Variants in TBC1D9B observed in about 807,000 individuals in gnomAD.
TBC1D9B encodes the protein TBC1 domain family member 9B, also known as TBC1 domain family, member 9B (with GRAM domain).
A neutral mutation model predicts 121.1 loss-of-function variants in TBC1D9B; 87 were observed. The ratio of observed to expected loss-of-function variants is 0.72; its 90% CI spans 0.60 to 0.86. TBC1D9B has a LOEUF of 0.86. Ranked by LOEUF, TBC1D9B falls within the 40% of genes least tolerant of loss-of-function variation. The pLI is 0.00. For synonymous variants in TBC1D9B, 668 were observed against 670.1 expected (o/e 1.00, Z 0.05); for missense variants, 1,540 against 1,628.6 (o/e 0.95, Z 0.94).
Position 179,863,402 on chromosome 5 carries a change from C to A in TBC1D9B, c.*46G>T, listed in dbSNP as rs1026446480. The A allele has an allele frequency of 1.3e-6, 2 of 1,583,518 alleles. No homozygotes were observed. On this transcript the variant is annotated 3_prime_UTR_variant, in exon 21 of 21. Transcript: ENST00000355235. The surrounding 1 kb of genome is among the most constrained non-coding windows in gnomAD (Gnocchi z 4.5). ...GAGGAAAGGCAGGAGGAGATGAGGC[C>A]AGCCCCACTGATGACACCTTGGGCC...
chr5:179,898,593 C>T (rs895985612), intron 3 of TBC1D9B, among the ~76,000 whole-genome samples: 2 of 152,048 alleles, frequency 1.3e-5, no homozygotes, highest in Admixed American at 6.5e-5. Flanking sequence ...GGATTACAGG[C>T]GCGTGCCACC....
Position 179,907,847 on chromosome 5 carries a change from G to A in TBC1D9B, c.-26C>T, listed in dbSNP as rs1268820653. On this transcript the variant is annotated 5_prime_UTR_variant, in exon 1 of 21. Coordinates refer to ENST00000355235, the MANE Select transcript of TBC1D9B (RefSeq NM_015043.4). The surrounding 1 kb of genome is among the most constrained non-coding windows in gnomAD (Gnocchi z 5.3). ...CGCGGAGCCGCTCGCACCGGGCCGA[G>A]GCCCGCGAGACGGAAGCGCCCGCCG... 10 of 1,071,458 alleles carry A rather than the reference G, an allele frequency of 9.3e-6. No homozygotes were observed. The highest frequency in any genetic ancestry group is 4.8e-5 in the Admixed American group (1 of 20,900). 66.4% of individuals were successfully genotyped at this position (1,071,458 alleles called of 1,614,324 possible). A position where few individuals can be genotyped will look rare whatever the true frequency, so the allele number is the denominator to read the frequency against.
chr5:179,899,122 A>C, intron 3 of TBC1D9B, 67 bp downstream of exon 3: 1 of 1,310,078 alleles, frequency 7.6e-7, no homozygotes, highest in Non-Finnish European at 1.1e-6. Flanking sequence ...AAGATGAAAT[A>C]GGATAATACA....
chr5:179,894,429 C>T lies in TBC1D9B; in HGVS notation c.534G>A (p.Thr178=), dbSNP rs765430437. The T allele has an allele frequency of 9.9e-6, 16 of 1,613,842 alleles. No homozygotes were observed. Among genetic ancestry groups the T allele is most frequent in the Admixed American group, 8.3e-5 (5 of 59,978 alleles). ...AGGAGTAGAAGCACAGGTGGTTGACCGTCAGGTACAGCCAGCCCTGCCGGG... is the reference window on the plus strand; with the variant it reads ...AGGAGTAGAAGCACAGGTGGTTGACTGTCAGGTACAGCCAGCCCTGCCGGG... ...RVPRQGWLYL[T]VNHLCFYSFL... The change falls in exon 4 of 21, where the codon ACG becomes ACA. Residue 178 remains threonine (T), a synonymous_variant. Coordinates refer to ENST00000355235, the MANE Select transcript of TBC1D9B (RefSeq NM_015043.4).
chr5:179,864,941 G>C lies in TBC1D9B; in HGVS notation c.3021+313C>G, dbSNP rs149793086. 2.4e-3 allele frequency among the ~76,000 whole-genome samples: 359 copies of C among 152,344 alleles called. 4 individuals carry two copies. Among genetic ancestry groups the C allele is most frequent in the African/African-American group, 8.3e-3 (344 of 41,592 alleles). Reference sequence around the variant, plus strand: ...ATGCATGTGAGCCTGCGTGTGCAGAGCCCTGGGCAGGGCTGGGAGGGTGCA... The same window carrying C: ...ATGCATGTGAGCCTGCGTGTGCAGACCCCTGGGCAGGGCTGGGAGGGTGCA... On this transcript the variant is annotated intron_variant, in intron 20 of 20. Coordinates refer to ENST00000355235, the MANE Select transcript of TBC1D9B (RefSeq NM_015043.4).
chr5:179,882,510 G>A (rs1029598896), intron 7 of TBC1D9B, among the ~76,000 whole-genome samples: 3 of 152,136 alleles, frequency 2.0e-5, no homozygotes, highest in African/African-American at 7.2e-5. Context: ...CTTTATACCT[G>A]AACGTCAGTT....
rs923981555 is a variant in TBC1D9B, at chr5:179,869,526, G to C, written c.2791+243C>G. ...CAGCTGCCTCCTCGGTGGGAGTTCT[G>C]TACCCAGCAGTGCCCGGTCACCCAT... On this transcript the variant is annotated intron_variant, in intron 17 of 20. Transcript: ENST00000355235. The C allele has an allele frequency of 8.1e-5, 54 of 666,466 alleles. 2 individuals carry two copies. 41.3% of individuals were successfully genotyped at this position (666,466 alleles called of 1,614,324 possible). A position where few individuals can be genotyped will look rare whatever the true frequency, so the allele number is the denominator to read the frequency against.
In TBC1D9B at chr5:179,863,826, C is replaced by G. The variant is rs1324299284; in HGVS notation, c.3324G>C (p.Gln1108His). The G allele has an allele frequency of 1.2e-6, 2 of 1,613,674 alleles. No individual in the cohort carries two copies. The change falls in exon 21 of 21, where the codon CAG becomes CAC. Residue 1108 changes from glutamine (Q) to histidine (H), a missense_variant. By Grantham distance (24) the Gln-to-His change is conservative (BLOSUM62 0). Coordinates refer to ENST00000355235, the MANE Select transcript of TBC1D9B (RefSeq NM_015043.4). This position sits in a 1 kb window ranked among gnomAD's most constrained non-coding sequence, Gnocchi z 4.5. ...CGCCGCTGCCCCCCTCCACCACCAC[C>G]TGGCTCTCCTGTGGGGCTTTTCCGA... ...THLGKAPQES[Q>H]VVVEGGSGEG...
At position 179,907,018 on chromosome 5, in the gene TBC1D9B, A is replaced by T. The variant is rs1312300426; in HGVS notation, c.118+686T>A. On this transcript the variant is annotated intron_variant, in intron 1 of 20. Coordinates refer to ENST00000355235, the MANE Select transcript of TBC1D9B (RefSeq NM_015043.4). The surrounding 1 kb of genome is among the most constrained non-coding windows in gnomAD (Gnocchi z 5.3). ...TCCCCTGGATCCCACAGGCCGCACG[A>T]CTCCAAGGGTGCCTGTCCAGCTTCA... 1.3e-5 allele frequency among the ~76,000 whole-genome samples: 2 copies of T among 151,726 alleles called. No homozygotes were observed. The highest frequency in any genetic ancestry group is 4.8e-5 in the African/African-American group (2 of 41,296).
chr5:179,873,301 C>G (rs919103197), intron 12 of TBC1D9B, 53 bp from the exon 13 acceptor site: 1 of 1,510,842 alleles, frequency 6.6e-7, no homozygotes, highest in African/African-American at 1.4e-5. Flanking sequence ...GAGGGAGCCT[C>G]CTTCCCACAG....
At chr5:179,878,605 G>T (rs1218992861) in intron 9 of TBC1D9B, 82 bp from the exon 10 acceptor site, 19 of 1,360,390 alleles carry the variant, frequency 1.4e-5, no homozygotes, top group Non-Finnish European at 1.9e-5. Flanking sequence ...GAGTCACCGG[G>T]TGCCCCACAG....
intron 5 of TBC1D9B, 105 bp downstream of exon 5, chr5:179,893,104 T>A: frequency 6.9e-7 from 1 of 1,458,316 alleles, no homozygotes; most frequent in Admixed American, 2.3e-5. Context: ...GAGGGGTGAA[T>A]GTGGACACCT....
At chr5:179,887,630 A>G (rs549209141) in intron 7 of TBC1D9B, 1 of 170,936 alleles carries the variant, frequency 5.9e-6, no homozygotes, top group East Asian at 1.9e-4. Flanking sequence ...CAAACCGTGA[A>G]AAGTACACTT....
chr5:179,899,650 A>G (rs971031291), intron 2 of TBC1D9B, among the ~76,000 whole-genome samples: 1 of 152,202 alleles, frequency 6.6e-6, no homozygotes, highest in African/African-American at 2.4e-5. Flanking sequence ...CTTTTCCTCA[A>G]GTTGAAAGAA....
chr5:179,865,519 A>C lies in TBC1D9B; in HGVS notation c.2915-159T>G, dbSNP rs935865617. 5 of 691,224 alleles carry C rather than the reference A, an allele frequency of 7.2e-6. No individual in the cohort carries two copies. The highest frequency in any genetic ancestry group is 1.2e-5 in the Non-Finnish European group (5 of 405,026). 42.8% of individuals were successfully genotyped at this position (691,224 alleles called of 1,614,324 possible). On this transcript the variant is annotated intron_variant, in intron 19 of 20. Transcript: ENST00000355235. This position sits in a 1 kb window ranked among gnomAD's most constrained non-coding sequence, Gnocchi z 5.1. ...GAAGGTGGTCATGGGAAAAAAACCC[A>C]GAACAGCCACAGGTTTTCCCTAAAT...
chr5:179,875,331 C>T lies in TBC1D9B; in HGVS notation c.1901-144G>A. ...GGAGACTTGGAGTGCTGGGAGAAAACAAGGACGAAAAAACCCTTCAAGTCT... is the reference window on the plus strand; with the variant it reads ...GGAGACTTGGAGTGCTGGGAGAAAATAAGGACGAAAAAACCCTTCAAGTCT... On this transcript the variant is annotated intron_variant, in intron 11 of 20. Coordinates refer to ENST00000355235, the MANE Select transcript of TBC1D9B (RefSeq NM_015043.4). The surrounding 1 kb of genome is among the most constrained non-coding windows in gnomAD (Gnocchi z 4.5). 3 of 1,083,900 alleles carry T rather than the reference C, an allele frequency of 2.8e-6. No individual in the cohort carries two copies. The highest frequency in any genetic ancestry group is 3.9e-6 in the Non-Finnish European group (3 of 777,256). 67.1% of individuals were successfully genotyped at this position (1,083,900 alleles called of 1,614,324 possible). A position where few individuals can be genotyped will look rare whatever the true frequency, so the allele number is the denominator to read the frequency against.
In TBC1D9B at chr5:179,902,218, C is replaced by T. The variant is rs1761184617; in HGVS notation, c.229+2484G>A. Among the ~76,000 whole-genome samples the T allele has an allele frequency of 6.6e-6, 1 of 152,226 alleles. No individual in the cohort carries two copies. The highest frequency in any genetic ancestry group is 2.1e-4 in the South Asian group (1 of 4,834). ...GGGTCTGTGGAGTCTGGGCAGTTCT[C>T]AGAGGAGCGGGAGGGAAGGTTAGCT... On this transcript the variant is annotated intron_variant, in intron 2 of 20. Coordinates refer to ENST00000355235, the MANE Select transcript of TBC1D9B (RefSeq NM_015043.4). This position sits in a 1 kb window ranked among gnomAD's most constrained non-coding sequence, Gnocchi z 4.9.
rs778315980 is a variant in TBC1D9B at position 179,879,105 on chromosome 5, T to A, written c.1509A>T (p.Ala503=). ...VCMYRTAKTR[A]LVLKGIPESL... The stretch of plus-strand genomic sequence containing the variant: ...TCTCAGGGATACCCTTCAGGACCAG[T>A]GCCCGCGTCTTGGCTGTGCGGTACA... The change falls in exon 9 of 21, where the codon GCA becomes GCT. Residue 503 remains alanine, a synonymous_variant. Coordinates refer to ENST00000355235, the MANE Select transcript of TBC1D9B (RefSeq NM_015043.4). The A allele has an allele frequency of 3.1e-6, 5 of 1,607,692 alleles. No individual in the cohort carries two copies. The highest frequency in any genetic ancestry group is 4.2e-6 in the Non-Finnish European group (5 of 1,179,942).
At chr5:179,864,460 CT>C (rs1759945931) in intron 20 of TBC1D9B, among the ~76,000 whole-genome samples, 1 of 152,272 alleles carries the variant, frequency 6.6e-6, no homozygotes, top group African/African-American at 2.4e-5. Context: ...AGTACAAGGA[CT>C]TCGTTGTGTT....
Sources: allele counts gnomAD v4.1 joint callset (sites outside exome capture counted in the v4.1 genomes callset), GRCh38; gene constraint gnomAD v4.1.1; non-coding constraint Gnocchi (gnomAD v3.1); transcripts MANE v1.5; gene names NCBI Gene and HGNC (gene_info 2026-07-23, HGNC 2026-07-21).